GRM1: variants seen among roughly 807,000 people sequenced by gnomAD.
The protein encoded by GRM1 is glutamate metabotropic receptor 1, also known as metabotropic glutamate receptor 1.
GRM1 carries 33 observed loss-of-function variants against 90.9 expected under a neutral mutation model. That is an observed-to-expected ratio of 0.36 (90% confidence interval 0.28 to 0.49). The LOEUF (loss-of-function observed/expected upper bound fraction) is 0.49, where lower values mean the gene tolerates loss of function less well. Ranked by LOEUF, GRM1 falls within the 20% of genes least tolerant of loss-of-function variation. The pLI is 0.99. For synonymous variants in GRM1, 700 were observed against 613.2 expected, an observed-to-expected ratio of 1.14 and a Z score of -2.09; for missense variants, 1,190 against 1,534.3, an observed-to-expected ratio of 0.78 and a Z score of 3.75.
chr6:146,031,317 C>CT (rs1273759817), intron 1 of GRM1, among the ~76,000 whole-genome samples: 5 of 152,096 alleles, frequency 3.3e-5, no homozygotes, highest in Admixed American at 3.3e-4. Flanking sequence ...GACAATCTTG[C>CT]TGGTATTTCT....
chr6:146,222,372 A>G (rs1780092249), intron 2 of GRM1, among the ~76,000 whole-genome samples: 2 of 152,092 alleles, frequency 1.3e-5, no homozygotes, highest in African/African-American at 4.8e-5. Flanking sequence ...GAGAAAGTGA[A>G]CCAATAGAAC....
Position 146,029,288 on chromosome 6 carries a change from C to A in GRM1, c.-230C>A. ...CCGGTGAAGAACGGGGACTCGAATT[C>A]CCTTACAAACGCCTCCAGCTTGTAG... On this transcript the variant is annotated 5_prime_UTR_variant, in exon 1 of 8. Transcript: ENST00000282753. The A allele has an allele frequency of 1.7e-6, 1 of 583,080 alleles. No individual in the cohort carries two copies. Among genetic ancestry groups the A allele is most frequent in the Non-Finnish European group, 3.1e-6 (1 of 326,570 alleles). The allele number at this position is 583,080 out of a possible 1,614,324, so 36.1% of individuals were successfully genotyped here. A position where few individuals can be genotyped will look rare whatever the true frequency, so the allele number is the denominator to read the frequency against.
chr6:146,289,611 A>G (rs151311554), intron 2 of GRM1, among the ~76,000 whole-genome samples: 1,771 of 152,334 alleles, frequency 0.012, 15 homozygotes, highest in Non-Finnish European at 0.015. Flanking sequence ...ACATTCACTC[A>G]CCACTCACTC....
intron 6 of GRM1, among the ~76,000 whole-genome samples, chr6:146,393,560 T>C (rs965875873): frequency 2.6e-5 from 4 of 152,058 alleles, no homozygotes; most frequent in African/African-American, 9.7e-5. Context: ...ATTTTGGCTT[T>C]TGTTGCAATT....
At chr6:146,305,175 A>T (rs943763335) in intron 3 of GRM1, among the ~76,000 whole-genome samples, 1 of 151,846 alleles carries the variant, frequency 6.6e-6, no homozygotes, top group African/African-American at 2.4e-5. Context: ...TTAGCCATAG[A>T]CATAAGTCAG....
intron 7 of GRM1, among the ~76,000 whole-genome samples, chr6:146,410,194 G>A (rs2114622388): frequency 6.6e-6 from 1 of 152,248 alleles, no homozygotes; most frequent in African/African-American, 2.4e-5. Flanking sequence ...TTCTGTGACT[G>A]TAGCTGTTGA....
intron 2 of GRM1, among the ~76,000 whole-genome samples, chr6:146,212,829 A>G (rs559241737): frequency 6.6e-6 from 1 of 151,972 alleles, no homozygotes; most frequent in East Asian, 1.9e-4. Flanking sequence ...AAGTATATAT[A>G]CACCCAACTG....
chr6:146,167,879 T>C (rs909046460), intron 2 of GRM1, among the ~76,000 whole-genome samples: 1 of 152,146 alleles, frequency 6.6e-6, no homozygotes, highest in Non-Finnish European at 1.5e-5. Flanking sequence ...ATGAAACATT[T>C]TGAATTTTAA....
intron 7 of GRM1, among the ~76,000 whole-genome samples, chr6:146,430,632 G>T (rs1778373662): frequency 1.3e-5 from 2 of 152,138 alleles, no homozygotes; most frequent in Admixed American, 1.3e-4. Context: ...GGATAATATT[G>T]CATTTTTATA....
chr6:146,153,232 TTGTCA>T (rs1390037387), intron 1 of GRM1, among the ~76,000 whole-genome samples: 1 of 152,210 alleles, frequency 6.6e-6, no homozygotes, highest in Non-Finnish European at 1.5e-5. Context: ...GCAGTTGTCC[TTGTCA>T]TGTCATTAGT....
At chr6:146,285,623 T>G (rs1562582272) in intron 2 of GRM1, among the ~76,000 whole-genome samples, 1 of 152,186 alleles carries the variant, frequency 6.6e-6, no homozygotes, top group Non-Finnish European at 1.5e-5. Flanking sequence ...GCTATTCTTA[T>G]CTCTTTGCAT....
intron 1 of GRM1, among the ~76,000 whole-genome samples, chr6:146,032,191 A>G (rs1405013728): frequency 6.6e-6 from 1 of 151,992 alleles, no homozygotes; most frequent in African/African-American, 2.4e-5. Context: ...CTGCCTTCTG[A>G]TTGGTGTTGT....
intron 2 of GRM1, among the ~76,000 whole-genome samples, chr6:146,188,681 T>C (rs1399782528): frequency 1.3e-5 from 2 of 152,202 alleles, no homozygotes; most frequent in Non-Finnish European, 2.9e-5. Flanking sequence ...AAGCTTACAG[T>C]GAATGCTGAC....
intron 2 of GRM1, among the ~76,000 whole-genome samples, chr6:146,252,102 T>A (rs2114765801): frequency 6.6e-6 from 1 of 152,284 alleles, no homozygotes; most frequent in Middle Eastern, 3.4e-3. Flanking sequence ...TATTTTTCCT[T>A]ATTAGTTTGC....
chr6:146,077,888 C>T (rs1776240633), intron 1 of GRM1, among the ~76,000 whole-genome samples: 1 of 152,148 alleles, frequency 6.6e-6, no homozygotes, highest in South Asian at 2.1e-4. Context: ...AATGCTGGCT[C>T]TGCTGCTTCA....
intron 2 of GRM1, chr6:146,171,707 G>T: frequency 3.4e-6 from 1 of 294,768 alleles, no homozygotes; most frequent in Non-Finnish European, 7.1e-6. Flanking sequence ...GAAAGCAAAA[G>T]AACAGCTGAA....
chr6:146,270,917 C>T (rs1157664427), intron 2 of GRM1, among the ~76,000 whole-genome samples: 14 of 74,856 alleles, frequency 1.9e-4, no homozygotes, highest in African/African-American at 8.2e-4. Flanking sequence ...TTCTTTCTTC[C>T]TTCCTTCCTT....
In GRM1 at chr6:146,252,467, A is replaced by G. The variant is rs530062682; in HGVS notation, c.951-52144A>G. On this transcript the variant is annotated intron_variant, in intron 2 of 7. Coordinates refer to ENST00000282753, the MANE Select transcript of GRM1 (RefSeq NM_001278064.2). ...AGCCTGGCCAACATGGTGAAACTCTATCTCTACTAAAAATAGAAAATTAGC... is the reference window on the plus strand; with the variant it reads ...AGCCTGGCCAACATGGTGAAACTCTGTCTCTACTAAAAATAGAAAATTAGC... Among the ~76,000 whole-genome samples the G allele has an allele frequency of 1.8e-3, 266 of 151,854 alleles. 1 individual carries two copies. The highest frequency in any genetic ancestry group is 6.3e-3 in the African/African-American group (262 of 41,410).
At chr6:146,140,075 C>A (rs1562488035) in intron 1 of GRM1, among the ~76,000 whole-genome samples, 1 of 113,874 alleles carries the variant, frequency 8.8e-6, no homozygotes. Context: ...CTCTTCTTTT[C>A]TCCTTTCTTT....
Sources: allele counts gnomAD v4.1 joint callset (sites outside exome capture counted in the v4.1 genomes callset), GRCh38; gene constraint gnomAD v4.1.1; transcripts MANE v1.5; gene names NCBI Gene and HGNC (gene_info 2026-07-23, HGNC 2026-07-21).